The following MYH14 variants were observed in gnomAD, a reference collection of about 807,000 sequenced individuals.
MYH14 encodes the protein myosin heavy chain 14.
In MYH14, 123 loss-of-function variants were observed where a neutral mutation model predicts 255.5. The observed-to-expected ratio is 0.48, with a 90% CI of 0.42 to 0.56. MYH14 has a LOEUF of 0.56. Ranked by LOEUF, MYH14 falls within the 20% of genes least tolerant of loss-of-function variation. The probability of loss-of-function intolerance (pLI) is 0.00; values close to 1 mark genes in which losing one functional copy is unlikely to be tolerated. For synonymous variants in MYH14, 1,095 were observed against 1,161.2 expected, an observed-to-expected ratio of 0.94 and a Z score of 1.16; for missense variants, 2,423 against 2,802.3, an observed-to-expected ratio of 0.86 and a Z score of 3.06.
Position 50,276,898 on chromosome 19 carries a change from G to T in MYH14, c.3822G>T (p.Arg1274=), listed in dbSNP as rs1239040185. 2 of 1,606,810 alleles carry T rather than the reference G, an allele frequency of 1.2e-6. No individual in the cohort carries two copies. Among genetic ancestry groups the T allele is most frequent in the Admixed American group, 3.4e-5 (2 of 59,616 alleles). Residue 1274 remains arginine (R), a synonymous_variant, in exon 29 of 43, where the codon CGG becomes CGT. Coordinates refer to ENST00000642316, the MANE Select transcript of MYH14 (RefSeq NM_001145809.2). The surrounding 1 kb of genome is among the most constrained non-coding windows in gnomAD (Gnocchi z 4.3). ...TGGCGGAGCAGCTGGAGCAGGCCCGGAGGGTGGGTTGGGGCAGGGGGACAG... is the reference window on the plus strand; with the variant it reads ...TGGCGGAGCAGCTGGAGCAGGCCCGTAGGGTGGGTTGGGGCAGGGGGACAG... ...GELAEQLEQA[R]RGKGAWEKTR... is the part of the protein sequence containing the mutation.
chr19:50,306,728 TG>T (rs1461965441), intron 40 of MYH14, among the ~76,000 whole-genome samples: 1 of 152,128 alleles, frequency 6.6e-6, no homozygotes, highest in African/African-American at 2.4e-5. Context: ...GGAAAATGAA[TG>T]GGCCCAAAGA....
chr19:50,265,364 C>A lies in MYH14; in HGVS notation c.2695-1513C>A, dbSNP rs112827321. On this transcript the variant is annotated intron_variant, in intron 22 of 42. Transcript: ENST00000642316. ...CTCATCTCTACAAAAAAAAAAAAAA[C>A]AAAAACAAAAACTGGGTGTAGTGGT... 2.5e-3 allele frequency among the ~76,000 whole-genome samples: 351 copies of A among 142,010 alleles called. 2 individuals are homozygous for A. Among genetic ancestry groups the A allele is most frequent in the African/African-American group, 7.1e-3 (265 of 37,522 alleles). The allele number at this position is 142,010 out of a possible 152,430, so 93.2% of individuals were successfully genotyped here.
chr19:50,254,106 A>T (rs968074086), intron 16 of MYH14, among the ~76,000 whole-genome samples: 2 of 151,568 alleles, frequency 1.3e-5, no homozygotes, highest in Non-Finnish European at 2.9e-5. Flanking sequence ...AATCCCAGCT[A>T]CTCGGGGGGC....
chr19:50,250,022 C>A lies in MYH14; in HGVS notation c.1656+199C>A, dbSNP rs4802676. 2.0e-5 allele frequency among the ~76,000 whole-genome samples: 3 copies of A among 152,128 alleles called. No individual in the cohort carries two copies. Among genetic ancestry groups the A allele is most frequent in the Non-Finnish European group, 4.4e-5 (3 of 68,030 alleles). ...CCCAGAATGTGCCTGCCACAGGGCC[C>A]GGCTCAAATCAATCGGTTAATCAGA... On this transcript the variant is annotated intron_variant, in intron 14 of 42. Transcript: ENST00000642316. The surrounding 1 kb of genome is among the most constrained non-coding windows in gnomAD (Gnocchi z 5.4).
rs765142655 is a variant in MYH14, at chr19:50,249,120, C to T, written c.1463C>T (p.Ala488Val). Reference protein sequence around the residue: ...GASFLGILDIAGFEIFQLNSF... With the variant: ...GASFLGILDIVGFEIFQLNSF... Reference sequence around the variant, plus strand: ...TCCTTCCTGGGCATCCTGGACATCGCGGGCTTTGAGATCTTCCAGGTCCAC... The same window carrying T: ...TCCTTCCTGGGCATCCTGGACATCGTGGGCTTTGAGATCTTCCAGGTCCAC... The change falls in exon 13 of 43, where the codon GCG (alanine) becomes GTG (valine). Residue 488 changes from alanine to valine, a missense_variant. Coordinates refer to ENST00000642316, the MANE Select transcript of MYH14 (RefSeq NM_001145809.2). 7.6e-6 allele frequency: 12 copies of T among 1,588,972 alleles called. No individual in the cohort carries two copies. The highest frequency in any genetic ancestry group is 7.1e-5 in the Admixed American group (4 of 56,148).
chr19:50,301,918 T>C, intron 40 of MYH14, 49 bp downstream of exon 40: 1 of 1,465,248 alleles, frequency 6.8e-7, no homozygotes, highest in Non-Finnish European at 9.4e-7. Context: ...CACATTCTGG[T>C]TGGTGAGAGG....
In MYH14 at chr19:50,276,606, C is replaced by A; in HGVS notation, c.3681-151C>A. The A allele has an allele frequency of 1.0e-6, 1 of 995,300 alleles. No individual in the cohort carries two copies. The highest frequency in any genetic ancestry group is 1.5e-6 in the Non-Finnish European group (1 of 663,804). The allele number at this position is 995,300 out of a possible 1,614,324, so 61.7% of individuals were successfully genotyped here. ...GTTCACCCTTAAAGCCACACTCCTT[C>A]CACAGCATCACCACCCAGATCTCCT... On this transcript the variant is annotated intron_variant, in intron 28 of 42. Coordinates refer to ENST00000642316, the MANE Select transcript of MYH14 (RefSeq NM_001145809.2). This position sits in a 1 kb window ranked among gnomAD's most constrained non-coding sequence, Gnocchi z 4.3.
At position 50,231,931 on chromosome 19, in the gene MYH14, C is replaced by T. The variant is rs553878240; in HGVS notation, c.975C>T (p.Ala325=). 28 of 1,613,930 alleles carry T rather than the reference C, an allele frequency of 1.7e-5. 1 individual carries two copies. The highest frequency in any genetic ancestry group is 1.7e-4 in the Admixed American group (10 of 60,028). ...LLGGAGEQLK[A]DLLLEPCSHY... Reference sequence around the variant, plus strand: ...TGACCCCACTCATTGTCCCTGCAGCCGACCTCCTCCTCGAGCCCTGCTCCC... The same window carrying T: ...TGACCCCACTCATTGTCCCTGCAGCTGACCTCCTCCTCGAGCCCTGCTCCC... Residue 325 remains alanine (A), a splice_region_variant and synonymous_variant, in exon 10 of 43, where the codon GCC becomes GCT. Transcript: ENST00000642316.
chr19:50,303,403 C>A (rs2036557724), intron 40 of MYH14, among the ~76,000 whole-genome samples: 1 of 152,150 alleles, frequency 6.6e-6, no homozygotes, highest in African/African-American at 2.4e-5. Flanking sequence ...ATGACAGAGT[C>A]AAGGTTCTAA....
rs564972229 is a variant in MYH14 at position 50,246,770 on chromosome 19, C to A, written c.1211-234C>A. Among the ~76,000 whole-genome samples the A allele has an allele frequency of 3.3e-5, 5 of 152,362 alleles. No homozygotes were observed. In the South Asian group the frequency reaches 8.3e-4, roughly 25 times the overall value. ...TTATAAACAACACTGCGCTGAACAT[C>A]CTTGTGGCACGGTCTTTGCTCACAT... On this transcript the variant is annotated intron_variant, in intron 11 of 42. Transcript: ENST00000642316.
At chr19:50,210,250 A>G in intron 1 of MYH14, 113 bp from the exon 2 acceptor site, 1 of 979,742 alleles carries the variant, frequency 1.0e-6, no homozygotes, top group South Asian at 1.8e-5. Flanking sequence ...AAGTATGGCA[A>G]GAGGTCTGGT....
intron 11 of MYH14, among the ~76,000 whole-genome samples, chr19:50,246,117 TTCCTTCCTTCCTTCCC>T (rs1304629422): frequency 3.4e-5 from 4 of 116,760 alleles, no homozygotes; most frequent in Admixed American, 1.0e-4. Flanking sequence ...CCTTTCTTCC[TTCCTTCCTTCCTTCCC>T]TCCTTCCTTC....
At chr19:50,220,130 C>T (rs980780082) in intron 3 of MYH14, among the ~76,000 whole-genome samples, 3 of 152,000 alleles carry the variant, frequency 2.0e-5, no homozygotes, top group Non-Finnish European at 2.9e-5. Flanking sequence ...CGAAACCCAT[C>T]GGTGCCGCTC....
At chr19:50,278,828 A>C (rs894549876) in intron 30 of MYH14, among the ~76,000 whole-genome samples, 1 of 151,720 alleles carries the variant, frequency 6.6e-6, no homozygotes, top group African/African-American at 2.4e-5. Context: ...AAAAAAAAAA[A>C]AAACACAAAA....
intron 36 of MYH14, 110 bp from the exon 37 acceptor site, chr19:50,292,151 C>A (rs2036096860): frequency 1.7e-6 from 2 of 1,193,664 alleles, no homozygotes; most frequent in Non-Finnish European, 2.3e-6. Flanking sequence ...CGGAGAGTTC[C>A]CTGCTTGTTC....
chr19:50,306,902 C>G, intron 40 of MYH14, 147 bp from the exon 41 acceptor site: 1 of 653,346 alleles, frequency 1.5e-6, no homozygotes, highest in Non-Finnish European at 2.8e-6. Context: ...AGTGTTTGGC[C>G]TCAGTAAACT....
intron 10 of MYH14, among the ~76,000 whole-genome samples, chr19:50,240,924 A>G (rs2033868373): frequency 6.6e-6 from 1 of 152,148 alleles, no homozygotes; most frequent in Non-Finnish European, 1.5e-5. Flanking sequence ...TGCCTCAGTT[A>G]CCCTATCTGT....
chr19:50,212,185 A>T (rs1300648349), intron 2 of MYH14, among the ~76,000 whole-genome samples: 1 of 152,104 alleles, frequency 6.6e-6, no homozygotes. Flanking sequence ...TTCTTAGAAA[A>T]TACCAGTGAC....
At chr19:50,213,979 C>A (rs1271208589) in intron 2 of MYH14, among the ~76,000 whole-genome samples, 2 of 152,206 alleles carry the variant, frequency 1.3e-5, no homozygotes, top group East Asian at 3.9e-4. Context: ...CACATACCAC[C>A]AAGCCTGGCT....
Sources: allele counts gnomAD v4.1 joint callset (sites outside exome capture counted in the v4.1 genomes callset), GRCh38; gene constraint gnomAD v4.1.1; non-coding constraint Gnocchi (gnomAD v3.1); transcripts MANE v1.5; gene names NCBI Gene and HGNC (gene_info 2026-07-23, HGNC 2026-07-21).